MOV10L1: variants seen among roughly 807,000 people sequenced by gnomAD.
The protein encoded by MOV10L1 is Mov10 like RNA helicase 1.
Under a neutral mutation model 143.8 loss-of-function variants are expected in MOV10L1, and 110 were observed. The ratio of observed to expected loss-of-function variants is 0.76; its 90% CI spans 0.66 to 0.90. The LOEUF (loss-of-function observed/expected upper bound fraction) is 0.90. Ranked by LOEUF, MOV10L1 falls within the 40% of genes least tolerant of loss-of-function variation. The pLI, the probability that MOV10L1 is intolerant of heterozygous loss-of-function variation, is 0.00. For synonymous variants in MOV10L1, 593 were observed against 581.1 expected, an observed-to-expected ratio of 1.02 and a Z score of -0.29; for missense variants, 1,406 against 1,526.8, an observed-to-expected ratio of 0.92 and a Z score of 1.32.
rs578252362 is a variant in MOV10L1 at position 50,113,145 on chromosome 22, G to A, written c.744-503G>A. Among the ~76,000 whole-genome samples, 14 of 152,274 alleles carry A rather than the reference G, an allele frequency of 9.2e-5. No individual in the cohort carries two copies. The South Asian group carries it at 2.5e-3, about 27-fold the overall frequency. The stretch of plus-strand genomic sequence containing the variant: ...TCAGTAGAAGAAGGGGAAGTAAGTG[G>A]GTCCATTTTTAGGGAAAGGTAAAAT... On this transcript the variant is annotated intron_variant, in intron 5 of 26. Transcript: ENST00000262794.
chr22:50,133,653 G>A (rs1039179345), intron 13 of MOV10L1, among the ~76,000 whole-genome samples: 1 of 151,960 alleles, frequency 6.6e-6, no homozygotes, highest in African/African-American at 2.4e-5. Context: ...TGATTCTCAT[G>A]CCTCAGCCTC....
intron 2 of MOV10L1, among the ~76,000 whole-genome samples, chr22:50,097,250 C>A (rs973293786): frequency 1.3e-5 from 2 of 152,192 alleles, no homozygotes; most frequent in South Asian, 4.2e-4. Context: ...GCAGCTGGGA[C>A]TACAGGTGTG....
At chr22:50,098,921 GATC>G (rs2147041793) in intron 2 of MOV10L1, among the ~76,000 whole-genome samples, 1 of 152,282 alleles carries the variant, frequency 6.6e-6, no homozygotes, top group South Asian at 2.1e-4. Context: ...CATCAGTTGA[GATC>G]ATCGTGATTT....
At chr22:50,138,653 G>T (rs1320778378) in intron 15 of MOV10L1, among the ~76,000 whole-genome samples, 1 of 152,254 alleles carries the variant, frequency 6.6e-6, no homozygotes, top group South Asian at 2.1e-4. Context: ...GATCAGTGTA[G>T]AAAAATAAGT....
intron 2 of MOV10L1, among the ~76,000 whole-genome samples, chr22:50,099,241 C>T (rs1277869392): frequency 2.6e-5 from 4 of 152,224 alleles, no homozygotes; most frequent in African/African-American, 9.6e-5. Context: ...CAGAGAACCC[C>T]TTTGCCCTTT....
At chr22:50,143,288 G>C (rs1457456189) in intron 17 of MOV10L1, 67 bp downstream of exon 17, 2 of 1,511,756 alleles carry the variant, frequency 1.3e-6, no homozygotes, top group Non-Finnish European at 1.8e-6. Context: ...TGTGTCTTCA[G>C]GAAGTGTGAG....
Position 50,161,060 on chromosome 22 carries a change from G to A in MOV10L1, c.3554+5G>A, listed in dbSNP as rs1211529316. 10 of 1,613,370 alleles carry A rather than the reference G, an allele frequency of 6.2e-6. No individual in the cohort carries two copies. The highest frequency in any genetic ancestry group is 4.4e-5 in the South Asian group (4 of 91,074). ...TGCACTGCAGTCTCTGCAAAAGTGAGCGCTTCTGCTGTCTTCCTCAAAGAC... is the reference window on the plus strand; with the variant it reads ...TGCACTGCAGTCTCTGCAAAAGTGAACGCTTCTGCTGTCTTCCTCAAAGAC... On this transcript the variant is annotated splice_donor_5th_base_variant and intron_variant, in intron 26 of 26. Coordinates refer to ENST00000262794, the MANE Select transcript of MOV10L1 (RefSeq NM_018995.3).
At chr22:50,096,141 A>G (rs748530494) in intron 2 of MOV10L1, 3 of 152,206 alleles carry the variant, frequency 2.0e-5, no homozygotes, top group African/African-American at 4.8e-5. Context: ...CATCACCACA[A>G]TCTGTCTTCA....
rs2063475839 is a variant in MOV10L1 at position 50,158,209 on chromosome 22, A to G, written c.3216+3A>G. On this transcript the variant is annotated splice_donor_region_variant and intron_variant, in intron 23 of 26. Coordinates refer to ENST00000262794, the MANE Select transcript of MOV10L1 (RefSeq NM_018995.3). This position sits in a 1 kb window ranked among gnomAD's most constrained non-coding sequence, Gnocchi z 5.0. ...TCATCACGCCCTACCGGAAGCAGGT[A>G]CGCCCTGCCCAGGCACGCCTGGTTC... 5 of 1,614,036 alleles carry G rather than the reference A, an allele frequency of 3.1e-6. No homozygotes were observed. The highest frequency in any genetic ancestry group is 4.2e-6 in the Non-Finnish European group (5 of 1,180,000).
intron 1 of MOV10L1, chr22:50,090,858 G>C (rs1422778430): frequency 3.5e-6 from 1 of 283,196 alleles, no homozygotes; most frequent in African/African-American, 2.2e-5. Flanking sequence ...TGTATTTTTA[G>C]TCGAGGGGGG....
rs770184043 is a variant in MOV10L1, at chr22:50,149,638, T to C, written c.2651T>C (p.Phe884Ser). 5 of 1,614,050 alleles carry C rather than the reference T, an allele frequency of 3.1e-6. 1 individual carries two copies. The South Asian group carries it at 5.5e-5, about 18-fold the overall frequency. Residue 884 changes from phenylalanine (F) to serine (S), a missense_variant, in exon 20 of 27, where the codon TTT (phenylalanine) becomes TCT (serine). Phe to Ser is a radical substitution (Grantham distance 155, BLOSUM62 -2). This residue lies in a region of MOV10L1 where 1,233 missense variants were observed against 1,351.4 expected (regional missense o/e 0.91). Transcript: ENST00000262794. ...AGAGTTGGGCACTTCACTCACGTGT[T>C]TGTGGACGAGGCTGGGCAGGCAAGT... is the stretch of plus-strand genomic sequence containing the variant. The part of the protein sequence containing the change: ...GVRVGHFTHV[F>S]VDEAGQASEP...
intron 20 of MOV10L1, 60 bp from the exon 21 acceptor site, chr22:50,150,674 GC>G: frequency 6.3e-7 from 1 of 1,574,892 alleles, no homozygotes; most frequent in Middle Eastern, 2.1e-4. Context: ...TCCCACCTGA[GC>G]CCGTAGGAGT....
chr22:50,127,394 A>T (rs914704699), intron 12 of MOV10L1, among the ~76,000 whole-genome samples: 15 of 152,298 alleles, frequency 9.8e-5, no homozygotes, highest in African/African-American at 3.1e-4. Context: ...CTTGGATGCC[A>T]CCTGCACCTG....
intron 3 of MOV10L1, among the ~76,000 whole-genome samples, chr22:50,103,168 G>T (rs974074824): frequency 6.6e-6 from 1 of 152,246 alleles, no homozygotes; most frequent in East Asian, 1.9e-4. Context: ...CGTGGTTGTA[G>T]CGTGGGAGGG....
At chr22:50,097,650 C>T (rs1569267834) in intron 2 of MOV10L1, among the ~76,000 whole-genome samples, 1 of 152,166 alleles carries the variant, frequency 6.6e-6, no homozygotes, top group East Asian at 1.9e-4. Flanking sequence ...AGTTTGATGA[C>T]TGTAACTTTG....
chr22:50,120,676 C>A, intron 10 of MOV10L1, 60 bp downstream of exon 10: 3 of 1,244,616 alleles, frequency 2.4e-6, no homozygotes, highest in South Asian at 1.3e-5. Context: ...TGTTTTCTGA[C>A]AAAGCCAGGA....
At chr22:50,146,685 AGT>A (rs1200440791) in intron 19 of MOV10L1, among the ~76,000 whole-genome samples, 1 of 151,978 alleles carries the variant, frequency 6.6e-6, no homozygotes, top group Non-Finnish European at 1.5e-5. Flanking sequence ...CACCCTGGAC[AGT>A]GTCCAGCGTC....
intron 16 of MOV10L1, 147 bp from the exon 17 acceptor site, chr22:50,142,896 C>T: frequency 1.5e-6 from 1 of 688,724 alleles, no homozygotes; most frequent in Admixed American, 2.8e-5. Context: ...GCATCTTACC[C>T]CTGGTCACAC....
chr22:50,143,317 A>G, intron 17 of MOV10L1, 96 bp downstream of exon 17: 2 of 1,361,950 alleles, frequency 1.5e-6, no homozygotes, highest in Non-Finnish European at 2.1e-6. Flanking sequence ...GTAGAATCAG[A>G]CAGTTGGAAA....
Sources: gnomAD v4.1 joint callset for allele counts (sites outside exome capture counted in the v4.1 genomes callset) on GRCh38, gnomAD v4.1.1 for gene constraint, gnomAD v4.1.1 regional missense constraint, Gnocchi (gnomAD v3.1) non-coding constraint, MANE v1.5 for transcripts, NCBI Gene and HGNC (gene_info 2026-07-23, HGNC 2026-07-21) for gene names.